Variants in CUL9 observed in about 807,000 individuals in gnomAD.
CUL9 encodes cullin-9.
In CUL9, 79 loss-of-function variants were observed where a neutral mutation model predicts 272.6. The observed-to-expected ratio is 0.29, with a 90% CI of 0.24 to 0.35. The LOEUF is 0.35. Among genes scored for constraint, CUL9 ranks in the 10% least tolerant of loss-of-function variants. The pLI, the probability that CUL9 is intolerant of heterozygous loss-of-function variation, is 1.00. For synonymous variants in CUL9, 1,186 were observed against 1,286.5 expected, an observed-to-expected ratio of 0.92 and a Z score of 1.67; for missense variants, 2,532 against 3,255.6, an observed-to-expected ratio of 0.78 and a Z score of 5.41.
chr6:43,201,990 A>G (rs139073913), intron 16 of CUL9, among the ~76,000 whole-genome samples: 1 of 152,276 alleles, frequency 6.6e-6, no homozygotes, highest in East Asian at 1.9e-4. Context: ...GAGGTAGAAG[A>G]AGGAGGTGGA....
intron 26 of CUL9, among the ~76,000 whole-genome samples, chr6:43,211,948 C>T (rs1582403897): frequency 6.6e-6 from 1 of 152,304 alleles, no homozygotes; most frequent in African/African-American, 2.4e-5. Flanking sequence ...ACAAGGTCCA[C>T]GCATTGCATT....
At position 43,198,676 on chromosome 6, in the gene CUL9, G is replaced by A. The variant is rs776758444; in HGVS notation, c.2871G>A (p.Gly957=). The stretch of plus-strand genomic sequence containing the variant: ...AGCTACTGATTCGATCCCTGGTTGG[G>A]GGCCCATCTGCAGAACTACTCCTGG... ...SPELLIRSLV[G]GPSAELLLDL... is the part of the protein sequence containing the mutation. The change falls in exon 12 of 41, where the codon GGG becomes GGA. Residue 957 remains glycine, a synonymous_variant. Transcript: ENST00000252050. 6.7e-7 allele frequency: 1 copy of A among 1,493,956 alleles called. No homozygotes were observed. The highest frequency in any genetic ancestry group is 1.8e-5 in the Admixed American group (1 of 56,140). 92.5% of individuals were successfully genotyped at this position (1,493,956 alleles called of 1,614,324 possible).
rs1024820828 is a variant in CUL9 at position 43,206,948 on chromosome 6, G to A, written c.5212+438G>A. ...CAGCCTCTACCTCCCGGGTTCAAGCGATTCTCCTGTCTCAGCCTCCCAAGT... is the reference window on the plus strand; with the variant it reads ...CAGCCTCTACCTCCCGGGTTCAAGCAATTCTCCTGTCTCAGCCTCCCAAGT... On this transcript the variant is annotated intron_variant, in intron 26 of 40. Coordinates refer to ENST00000252050, the MANE Select transcript of CUL9 (RefSeq NM_015089.4). This position sits in a 1 kb window ranked among gnomAD's most constrained non-coding sequence, Gnocchi z 4.8. 3.3e-5 allele frequency among the ~76,000 whole-genome samples: 5 copies of A among 152,014 alleles called. No homozygotes were observed. The highest frequency in any genetic ancestry group is 1.9e-4 in the East Asian group (1 of 5,190).
intron 8 of CUL9, among the ~76,000 whole-genome samples, chr6:43,190,401 T>C (rs1467223145): frequency 6.6e-6 from 1 of 152,204 alleles, no homozygotes; most frequent in Non-Finnish European, 1.5e-5. Flanking sequence ...TATTCCTTTG[T>C]TATTTATGTT....
chr6:43,197,947 T>C (rs1459843480), intron 11 of CUL9, among the ~76,000 whole-genome samples: 1 of 152,054 alleles, frequency 6.6e-6, no homozygotes, highest in Admixed American at 6.6e-5. Context: ...GATATTGAAA[T>C]AGGAAATACG....
chr6:43,187,353 T>C lies in CUL9; in HGVS notation c.1495T>C (p.Trp499Arg), dbSNP rs535299393. ...AGTGGGATATCTGACCCAGGCTGAATGGTGGGAGCTGCTTTTCTTTATCAA... is the reference window on the plus strand; with the variant it reads ...AGTGGGATATCTGACCCAGGCTGAACGGTGGGAGCTGCTTTTCTTTATCAA... ...ERVGYLTQAE[W>R]WELLFFIKKL... is the part of the protein sequence containing the mutation. The change falls in exon 6 of 41, where the codon TGG becomes CGG. Residue 499 changes from tryptophan (W) to arginine (R), a missense_variant. Around this residue, in one of 3 missense-constraint regions of CUL9, gnomAD observed 2,218 missense variants for 2,788.6 expected, o/e 0.80. Coordinates refer to ENST00000252050, the MANE Select transcript of CUL9 (RefSeq NM_015089.4). 3 of 1,614,058 alleles carry C rather than the reference T, an allele frequency of 1.9e-6. No individual in the cohort carries two copies. The highest frequency in any genetic ancestry group is 1.7e-6 in the Non-Finnish European group (2 of 1,179,990).
intron 9 of CUL9, among the ~76,000 whole-genome samples, chr6:43,195,665 G>A (rs1325675334): frequency 6.6e-6 from 1 of 152,078 alleles, no homozygotes; most frequent in East Asian, 1.9e-4. Flanking sequence ...AGGAAGGAGT[G>A]CAAGTGAGAT....
Position 43,213,090 on chromosome 6 carries a change from C to G in CUL9, c.5213-59C>G. 6.3e-7 allele frequency: 1 copy of G among 1,589,296 alleles called. No individual in the cohort carries two copies. The highest frequency in any genetic ancestry group is 8.6e-7 in the Non-Finnish European group (1 of 1,164,588). The stretch of plus-strand genomic sequence containing the variant: ...AGGAGCAAAGCTTGACACCTCAACC[C>G]CTAAACCCCTTGTTTCGCCCATTCT... On this transcript the variant is annotated intron_variant, in intron 26 of 40. Transcript: ENST00000252050. This position sits in a 1 kb window ranked among gnomAD's most constrained non-coding sequence, Gnocchi z 5.7.
intron 3 of CUL9, 95 bp from the exon 4 acceptor site, chr6:43,185,860 G>A (rs542009004): frequency 2.0e-6 from 3 of 1,466,206 alleles, no homozygotes; most frequent in African/African-American, 1.4e-5. Context: ...TGGGGAGAAG[G>A]CCTTTATATT....
At position 43,213,853 on chromosome 6, in the gene CUL9, G is replaced by C. The variant is rs776281683; in HGVS notation, c.5629G>C (p.Val1877Leu). 4 of 1,614,226 alleles carry C rather than the reference G, an allele frequency of 2.5e-6. No individual in the cohort carries two copies. The Admixed American group carries it at 6.7e-5, about 27-fold the overall frequency. The change falls in exon 29 of 41, where the codon GTT becomes CTT. Residue 1877 changes from valine (V) to leucine (L), a missense_variant. Transcript: ENST00000252050. The surrounding 1 kb of genome is among the most constrained non-coding windows in gnomAD (Gnocchi z 5.7). ...QKRNLLSCLLVRILKAHGEKG... is the reference protein window; with the variant it reads ...QKRNLLSCLLLRILKAHGEKG... ...GAGGAATCTCTTGAGCTGTCTTCTTGTTCGTATTCTCAAAGCCCATGGGGA... is the reference window on the plus strand; with the variant it reads ...GAGGAATCTCTTGAGCTGTCTTCTTCTTCGTATTCTCAAAGCCCATGGGGA...
At position 43,203,367 on chromosome 6, in the gene CUL9, C is replaced by T. The variant is rs1286670103; in HGVS notation, c.3850-50C>T. 6.2e-7 allele frequency: 1 copy of T among 1,609,248 alleles called. No homozygotes were observed. The highest frequency in any genetic ancestry group is 8.5e-7 in the Non-Finnish European group (1 of 1,177,446). On this transcript the variant is annotated intron_variant, in intron 18 of 40. Coordinates refer to ENST00000252050, the MANE Select transcript of CUL9 (RefSeq NM_015089.4). The surrounding 1 kb of genome is among the most constrained non-coding windows in gnomAD (Gnocchi z 5.0). ...GGCAGGAGGCTTGGCTTTGGTAGTA[C>T]TTAGTGGCTCAAGCGGCTTGGGTGA...
In CUL9 at chr6:43,200,817, C is replaced by T; in HGVS notation, c.3630C>T (p.His1210=). The change falls in exon 16 of 41, where the codon CAC becomes CAT. Residue 1210 remains histidine (H), a synonymous_variant. Coordinates refer to ENST00000252050, the MANE Select transcript of CUL9 (RefSeq NM_015089.4). This position sits in a 1 kb window ranked among gnomAD's most constrained non-coding sequence, Gnocchi z 4.0. The part of the protein sequence containing the change: ...TGSHYITLHM[H]RGVLVRQLTL... Reference sequence around the variant, plus strand: ...CCCACTACATCACCCTGCACATGCACCGTGGTGTTCTTGTTAGGTGTGAAC... The same window carrying T: ...CCCACTACATCACCCTGCACATGCATCGTGGTGTTCTTGTTAGGTGTGAAC... 6.2e-7 allele frequency: 1 copy of T among 1,614,202 alleles called. No homozygotes were observed.
At chr6:43,192,142 G>T (rs145262741) in intron 8 of CUL9, among the ~76,000 whole-genome samples, 61 of 143,972 alleles carry the variant, frequency 4.2e-4, no homozygotes, top group African/African-American at 1.4e-3. Context: ...GCTTGCTGCT[G>T]CCTCGACCTC....
In CUL9 at chr6:43,203,927, C is replaced by T. The variant is rs1196163097; in HGVS notation, c.4099C>T (p.Leu1367=). 1.9e-6 allele frequency: 3 copies of T among 1,613,410 alleles called. No individual in the cohort carries two copies. The Admixed American group carries it at 5.0e-5, about 27-fold the overall frequency. The part of the protein sequence containing the change: ...FLPDDEAAQA[L]GKTCWEALVS... ...CCCTGATGATGAGGCCGCCCAGGCA[C>T]TGGGCAAGACCTGCTGGGAGGCCCT... Residue 1367 remains leucine, a synonymous_variant, in exon 20 of 41, where the codon CTG becomes TTG. Coordinates refer to ENST00000252050, the MANE Select transcript of CUL9 (RefSeq NM_015089.4). The surrounding 1 kb of genome is among the most constrained non-coding windows in gnomAD (Gnocchi z 5.0).
intron 26 of CUL9, among the ~76,000 whole-genome samples, chr6:43,207,709 C>T (rs1258524971): frequency 6.6e-6 from 1 of 151,762 alleles, no homozygotes; most frequent in East Asian, 1.9e-4. Context: ...TATTTCTAAC[C>T]TCATTCCCCT....
In CUL9 at chr6:43,184,591, C is replaced by T; in HGVS notation, c.281C>T (p.Ala94Val). ...TCTAAGGGACTTCAGCACGAACCAG[C>T]TGGGGTTTCAGGAAGCTTTCCTCGA... ...ALSKGLQHEP[A>V]GVSGSFPRDP... The change falls in exon 2 of 41, where the codon GCT becomes GTT. Residue 94 changes from alanine (A) to valine (V), a missense_variant. Coordinates refer to ENST00000252050, the MANE Select transcript of CUL9 (RefSeq NM_015089.4). This position sits in a 1 kb window ranked among gnomAD's most constrained non-coding sequence, Gnocchi z 4.8. 1 of 1,612,816 alleles carries T rather than the reference C, an allele frequency of 6.2e-7. No homozygotes were observed. Among genetic ancestry groups the T allele is most frequent in the East Asian group, 2.2e-5 (1 of 44,838 alleles).
In CUL9 at chr6:43,184,469, G is replaced by T. The variant is rs1462719888; in HGVS notation, c.159G>T (p.Val53=). ...TGAAGTGTGGGGAAGTGGGCAAAGTGGGTGTGGAAGAAGGCAAAGCAGAGC... is the reference window on the plus strand; with the variant it reads ...TGAAGTGTGGGGAAGTGGGCAAAGTTGGTGTGGAAGAAGGCAAAGCAGAGC... ...SVLKCGEVGK[V]GVEEGKAEHI... is the part of the protein sequence containing the mutation. Residue 53 remains valine, a synonymous_variant, in exon 2 of 41, where the codon GTG becomes GTT. Coordinates refer to ENST00000252050, the MANE Select transcript of CUL9 (RefSeq NM_015089.4). The surrounding 1 kb of genome is among the most constrained non-coding windows in gnomAD (Gnocchi z 4.8). The T allele has an allele frequency of 6.2e-7, 1 of 1,613,724 alleles. No individual in the cohort carries two copies. Among genetic ancestry groups the T allele is most frequent in the South Asian group, 1.1e-5 (1 of 90,996 alleles).
chr6:43,189,732 G>A (rs562933042), intron 8 of CUL9, among the ~76,000 whole-genome samples: 52 of 151,970 alleles, frequency 3.4e-4, no homozygotes, highest in Middle Eastern at 6.8e-3. Flanking sequence ...TAGTAGAGAC[G>A]GGGTTTCACC....
At chr6:43,195,888 T>G (rs1281924301) in intron 9 of CUL9, among the ~76,000 whole-genome samples, 181 bp from the exon 10 acceptor site, 3 of 152,036 alleles carry the variant, frequency 2.0e-5, no homozygotes, top group African/African-American at 7.2e-5. Context: ...CCTTCCTCCC[T>G]CCCTCCTTCC....
Sources: gnomAD v4.1 joint callset for allele counts (sites outside exome capture counted in the v4.1 genomes callset) on GRCh38, gnomAD v4.1.1 for gene constraint, gnomAD v4.1.1 regional missense constraint, Gnocchi (gnomAD v3.1) non-coding constraint, MANE v1.5 for transcripts, NCBI Gene and HGNC (gene_info 2026-07-23, HGNC 2026-07-21) for gene names.